NDUFAF2: variants seen among roughly 807,000 people sequenced by gnomAD.
NDUFAF2 encodes the protein NADH dehydrogenase [ubiquinone] 1 alpha subcomplex assembly factor 2.
In NDUFAF2, 13 loss-of-function variants were observed where a neutral mutation model predicts 22.8. That is an observed-to-expected ratio of 0.57 (90% CI 0.37 to 0.91). The LOEUF (loss-of-function observed/expected upper bound fraction) is 0.91. NDUFAF2 is among the 40% of genes least tolerant of loss of function. The pLI is 0.01. For missense variants in NDUFAF2, 162 were observed against 195.2 expected (o/e 0.83, Z 1.01); for synonymous variants, 53 against 64.2 (o/e 0.83, Z 0.84).
intron 2 of NDUFAF2, among the ~76,000 whole-genome samples, chr5:61,085,076 A>T (rs1752490248): frequency 6.6e-6 from 1 of 152,164 alleles, no homozygotes; most frequent in Non-Finnish European, 1.5e-5. Context: ...GTTTAACCTG[A>T]TATCAACCTG....
At position 61,014,010 on chromosome 5, in the gene NDUFAF2, C is replaced by G. The variant is rs147476911; in HGVS notation, c.128-59115C>G. Among the ~76,000 whole-genome samples, 439 of 152,244 alleles carry G rather than the reference C, an allele frequency of 2.9e-3. 2 individuals are homozygous for G. Among genetic ancestry groups the G allele is most frequent in the African/African-American group, 0.01 (419 of 41,564 alleles). Reference sequence around the variant, plus strand: ...GTTTCTGGCACACAGCTCCTAAAACCCTTGGAATCTCTGGAGTGATGAGAG... The same window carrying G: ...GTTTCTGGCACACAGCTCCTAAAACGCTTGGAATCTCTGGAGTGATGAGAG... On this transcript the variant is annotated intron_variant, in intron 1 of 3. Coordinates refer to ENST00000296597, the MANE Select transcript of NDUFAF2 (RefSeq NM_174889.5).
At chr5:61,106,519 A>G (rs1752765445) in intron 3 of NDUFAF2, among the ~76,000 whole-genome samples, 1 of 151,446 alleles carries the variant, frequency 6.6e-6, no homozygotes, top group Non-Finnish European at 1.5e-5. Flanking sequence ...TATCACCTCA[A>G]GCATTTATCC....
chr5:61,124,769 T>A (rs1182342288), intron 3 of NDUFAF2, among the ~76,000 whole-genome samples: 1 of 152,162 alleles, frequency 6.6e-6, no homozygotes, highest in African/African-American at 2.4e-5. Context: ...CTCACAGTAC[T>A]TTTTAATTCT....
chr5:61,055,106 A>G (rs924912315), intron 1 of NDUFAF2, among the ~76,000 whole-genome samples: 21 of 152,232 alleles, frequency 1.4e-4, no homozygotes, highest in Admixed American at 1.2e-3. Flanking sequence ...AGGAAAATAT[A>G]TATAGTATTG....
chr5:60,973,153 A>G (rs2112574230), intron 1 of NDUFAF2, among the ~76,000 whole-genome samples: 1 of 152,268 alleles, frequency 6.6e-6, no homozygotes, highest in African/African-American at 2.4e-5. Flanking sequence ...AAGGTATTGA[A>G]TGCTCACCAT....
At chr5:61,019,578 A>G (rs1561543360) in intron 1 of NDUFAF2, among the ~76,000 whole-genome samples, 1 of 151,866 alleles carries the variant, frequency 6.6e-6, no homozygotes, top group African/African-American at 2.4e-5. Context: ...TAGAAAGACT[A>G]TTTTTTTTCC....
chr5:61,122,382 A>G (rs1002125796), intron 3 of NDUFAF2, among the ~76,000 whole-genome samples: 4 of 152,344 alleles, frequency 2.6e-5, no homozygotes, highest in African/African-American at 7.2e-5. Flanking sequence ...TAGCCAGTGC[A>G]TAACAAAATA....
rs568656878 is a variant in NDUFAF2, at chr5:60,945,233, G to T, written c.-23G>T. ...CCTACTGCGGGTCCCGCTGCTGGCA[G>T]CGCTGGAAACTGGGTGGACGGCATG... is the stretch of plus-strand genomic sequence containing the variant. On this transcript the variant is annotated 5_prime_UTR_variant, in exon 1 of 4. Transcript: ENST00000296597. The T allele has an allele frequency of 1.9e-6, 3 of 1,611,194 alleles. No individual in the cohort carries two copies. Among genetic ancestry groups the T allele is most frequent in the South Asian group, 1.1e-5 (1 of 90,682 alleles).
At chr5:61,073,037 A>G in intron 1 of NDUFAF2, 88 bp from the exon 2 acceptor site, 1 of 816,522 alleles carries the variant, frequency 1.2e-6, no homozygotes, top group South Asian at 1.4e-5. Context: ...TTTACTATAT[A>G]AGGGGTTATG....
chr5:61,060,892 C>T (rs780165506), intron 1 of NDUFAF2, among the ~76,000 whole-genome samples: 5 of 152,086 alleles, frequency 3.3e-5, no homozygotes, highest in African/African-American at 4.8e-5. Flanking sequence ...ATTTTATGAG[C>T]GCTGAAACTC....
chr5:61,088,053 A>G (rs909010907), intron 2 of NDUFAF2, among the ~76,000 whole-genome samples: 2 of 152,060 alleles, frequency 1.3e-5, no homozygotes, highest in African/African-American at 4.8e-5. Context: ...AAGCTCTACC[A>G]TCCCACTTGT....
intron 3 of NDUFAF2, among the ~76,000 whole-genome samples, chr5:61,111,436 A>ATTAT (rs900483156): frequency 3.3e-5 from 5 of 151,628 alleles, no homozygotes; most frequent in Admixed American, 6.6e-5. Context: ...TTATTTATTT[A>ATTAT]TTATTTATTT....
chr5:60,972,207 C>T (rs1750842106), intron 1 of NDUFAF2, among the ~76,000 whole-genome samples: 1 of 151,266 alleles, frequency 6.6e-6, no homozygotes, highest in Admixed American at 6.6e-5. Flanking sequence ...TCCCAAAGTG[C>T]TGAGATTACA....
At chr5:61,097,183 A>T (rs559932723) in intron 2 of NDUFAF2, among the ~76,000 whole-genome samples, 9 of 150,662 alleles carry the variant, frequency 6.0e-5, no homozygotes, top group Admixed American at 6.0e-4. Flanking sequence ...TTTTATGAAG[A>T]CAAGTCCTGG....
intron 3 of NDUFAF2, among the ~76,000 whole-genome samples, chr5:61,130,324 A>G (rs1753093100): frequency 6.6e-6 from 1 of 152,118 alleles, no homozygotes; most frequent in African/African-American, 2.4e-5. Flanking sequence ...CTGGCATCAC[A>G]AGACTCTTCC....
intron 3 of NDUFAF2, among the ~76,000 whole-genome samples, chr5:61,138,973 G>T (rs549153096): frequency 1.3e-5 from 2 of 152,134 alleles, no homozygotes; most frequent in Non-Finnish European, 2.9e-5. Flanking sequence ...GAGCAGTCAG[G>T]CTTGAAATGA....
At chr5:61,023,395 T>C (rs1377465385) in intron 1 of NDUFAF2, among the ~76,000 whole-genome samples, 1 of 152,190 alleles carries the variant, frequency 6.6e-6, no homozygotes, top group African/African-American at 2.4e-5. Context: ...TTATTTGTAG[T>C]ATTTGAAGGG....
At chr5:61,004,923 T>A (rs913914555) in intron 1 of NDUFAF2, among the ~76,000 whole-genome samples, 20 of 144,114 alleles carry the variant, frequency 1.4e-4, no homozygotes, top group South Asian at 4.6e-4. Flanking sequence ...ATTTATTCTT[T>A]TTTATTTATT....
At chr5:61,128,840 A>C (rs1047978283) in intron 3 of NDUFAF2, among the ~76,000 whole-genome samples, 2 of 152,176 alleles carry the variant, frequency 1.3e-5, no homozygotes, top group Non-Finnish European at 2.9e-5. Flanking sequence ...AGCAAAAGAA[A>C]CTACCATCAG....
Sources: gnomAD v4.1 joint callset for allele counts (sites outside exome capture counted in the v4.1 genomes callset) on GRCh38, gnomAD v4.1.1 for gene constraint, MANE v1.5 for transcripts, NCBI Gene and HGNC (gene_info 2026-07-23, HGNC 2026-07-21) for gene names.